Variants in IL1RAPL1 observed in about 807,000 individuals in gnomAD.
IL1RAPL1 encodes the protein interleukin 1 receptor accessory protein like 1, also known as interleukin-1 receptor accessory protein-like 1.
A neutral mutation model predicts 48.4 loss-of-function variants in IL1RAPL1; 3 were observed. That is an observed-to-expected ratio of 0.06 (90% CI 0.03 to 0.16). The LOEUF (loss-of-function observed/expected upper bound fraction) is 0.16, where lower values mean the gene tolerates loss of function less well. Among genes scored for constraint, IL1RAPL1 ranks in the 10% least tolerant of loss-of-function variants. The pLI is 1.00. For missense variants in IL1RAPL1, 349 were observed against 530.6 expected (o/e 0.66, Z 3.36); for synonymous variants, 185 against 187.7 (o/e 0.99, Z 0.12).
chrX:29,395,195 A>G (rs1290927870), intron 3 of IL1RAPL1, among the ~76,000 whole-genome samples: 5 of 111,902 alleles, frequency 4.5e-5, no homozygotes, highest in Non-Finnish European at 7.5e-5. Flanking sequence ...CAAAGGAGTT[A>G]AATAAATTGC....
At chrX:28,691,188 A>G (rs1422711215) in intron 1 of IL1RAPL1, among the ~76,000 whole-genome samples, 1 of 110,381 alleles carries the variant, frequency 9.1e-6, no homozygotes, top group Non-Finnish European at 1.9e-5. Flanking sequence ...CTGATATGCC[A>G]TCTTACTCTC....
chrX:28,800,707 G>A (rs746414583), intron 2 of IL1RAPL1, among the ~76,000 whole-genome samples: 2 of 111,058 alleles, frequency 1.8e-5, no homozygotes, highest in East Asian at 2.8e-4. Context: ...TCAGATAACT[G>A]AAAATACGTC....
chrX:29,899,225 G>A (rs773071209), intron 6 of IL1RAPL1, among the ~76,000 whole-genome samples: 1 of 110,836 alleles, frequency 9.0e-6, no homozygotes, highest in East Asian at 2.8e-4. Flanking sequence ...GTCAGATTGG[G>A]AACTCCAAAA....
rs1197909492 is a variant in IL1RAPL1, at chrX:28,935,567, T to C, written c.82+146142T>C. 4.5e-5 allele frequency among the ~76,000 whole-genome samples: 5 copies of C among 111,310 alleles called. No homozygotes were observed. In the Admixed American group the frequency reaches 4.8e-4, roughly 11 times the overall value. On this transcript the variant is annotated intron_variant, in intron 2 of 10. Transcript: ENST00000378993. ...AAATGGTTTATGGGGAGAGAGTAGC[T>C]TTGGGCTTCCCTGAGGGTTATGTCT...
At chrX:29,221,866 C>A (rs1261114556) in intron 2 of IL1RAPL1, among the ~76,000 whole-genome samples, 3 of 109,688 alleles carry the variant, frequency 2.7e-5, no homozygotes, top group Non-Finnish European at 3.8e-5. Context: ...CAAAAATAAG[C>A]CAGGCGTGGT....
chrX:29,481,794 A>G (rs2147746868), intron 5 of IL1RAPL1, among the ~76,000 whole-genome samples: 1 of 112,005 alleles, frequency 8.9e-6, no homozygotes, highest in South Asian at 3.7e-4. Flanking sequence ...AAATCACAAC[A>G]TCTTTGTAAA....
At chrX:29,421,385 C>G (rs755863595) in intron 5 of IL1RAPL1, among the ~76,000 whole-genome samples, 3 of 111,037 alleles carry the variant, frequency 2.7e-5, no homozygotes, top group Non-Finnish European at 5.7e-5. Flanking sequence ...GCATGAACTT[C>G]CCTCATCTCC....
intron 5 of IL1RAPL1, among the ~76,000 whole-genome samples, chrX:29,656,515 A>G (rs928147589): frequency 4.5e-5 from 5 of 111,024 alleles, no homozygotes; most frequent in African/African-American, 1.6e-4. Flanking sequence ...AGAACGTACA[A>G]TGTTTGGTTT....
chrX:29,015,068 G>A (rs1027708653), intron 2 of IL1RAPL1, among the ~76,000 whole-genome samples: 21 of 111,006 alleles, frequency 1.9e-4, no homozygotes, highest in East Asian at 1.1e-3. Flanking sequence ...GAGCAACCAC[G>A]GGAGCAGATG....
intron 5 of IL1RAPL1, among the ~76,000 whole-genome samples, chrX:29,566,811 A>G (rs184593584): frequency 8.9e-6 from 1 of 112,060 alleles, no homozygotes; most frequent in Non-Finnish European, 1.9e-5. Context: ...ATATTTTATC[A>G]GGATAATTAT....
At chrX:29,230,529 A>AAAAAAAAAAAAAAAAAAC (rs869274263) in intron 2 of IL1RAPL1, among the ~76,000 whole-genome samples, 7 of 98,638 alleles carry the variant, frequency 7.1e-5, no homozygotes, top group African/African-American at 2.7e-4. Flanking sequence ...AAAAAAAAAA[A>AAAAAAAAAAAAAAAAAAC]AAAAAACCTT....
At chrX:28,806,461 G>A (rs1489735518) in intron 2 of IL1RAPL1, among the ~76,000 whole-genome samples, 1 of 111,504 alleles carries the variant, frequency 9.0e-6, no homozygotes, top group Admixed American at 9.6e-5. Context: ...TGAAGGAAGA[G>A]CAGATACACA....
intron 2 of IL1RAPL1, among the ~76,000 whole-genome samples, chrX:29,230,888 T>C (rs1931191104): frequency 9.0e-6 from 1 of 110,982 alleles, no homozygotes; most frequent in Non-Finnish European, 1.9e-5. Context: ...GTAGCAGGAG[T>C]CTCTGAGAGC....
intron 1 of IL1RAPL1, among the ~76,000 whole-genome samples, chrX:28,702,102 A>G (rs888234353): frequency 9.0e-6 from 1 of 111,281 alleles, no homozygotes; most frequent in African/African-American, 3.3e-5. Flanking sequence ...TCCTTTTACT[A>G]TAGTAACTTG....
At chrX:29,022,718 C>T (rs1477524132) in intron 2 of IL1RAPL1, among the ~76,000 whole-genome samples, 1 of 111,798 alleles carries the variant, frequency 8.9e-6, no homozygotes, top group African/African-American at 3.2e-5. Context: ...CATTCTTTCT[C>T]ATCTGGCACC....
chrX:29,007,041 C>T (rs766377350), intron 2 of IL1RAPL1, among the ~76,000 whole-genome samples: 11 of 111,461 alleles, frequency 9.9e-5, no homozygotes, highest in African/African-American at 3.6e-4. Flanking sequence ...AAGAATTATA[C>T]TCTACCTGTA....
chrX:29,335,360 T>G, intron 3 of IL1RAPL1, among the ~76,000 whole-genome samples: 1 of 78,785 alleles, frequency 1.3e-5, no homozygotes, highest in Non-Finnish European at 2.4e-5. Context: ...TATTCTAAGG[T>G]CTTTAGAAGC....
intron 5 of IL1RAPL1, among the ~76,000 whole-genome samples, chrX:29,630,350 C>G (rs936905718): frequency 9.0e-6 from 1 of 111,402 alleles, no homozygotes; most frequent in African/African-American, 3.3e-5. Flanking sequence ...ATAGCAATGA[C>G]TATATAGTAA....
At chrX:29,508,766 A>T (rs1935363064) in intron 5 of IL1RAPL1, among the ~76,000 whole-genome samples, 1 of 111,516 alleles carries the variant, frequency 9.0e-6, no homozygotes, top group African/African-American at 3.3e-5. Context: ...TTGATGGAGG[A>T]CTAGAGATTT....
Sources: allele counts gnomAD v4.1 joint callset (sites outside exome capture counted in the v4.1 genomes callset), GRCh38; gene constraint gnomAD v4.1.1; transcripts MANE v1.5; gene names NCBI Gene and HGNC (gene_info 2026-07-23, HGNC 2026-07-21).